FHIP2A: variants seen among roughly 807,000 people sequenced by gnomAD.
The protein encoded by FHIP2A is family with sequence similarity 160 member B1.
FHIP2A carries 46 observed loss-of-function variants against 93.5 expected under a neutral mutation model. The ratio of observed to expected loss-of-function variants is 0.49; its 90% confidence interval spans 0.39 to 0.63. FHIP2A has a LOEUF of 0.63. FHIP2A is among the 20% of genes least tolerant of loss of function. The pLI, the probability that FHIP2A is intolerant of heterozygous loss-of-function variation, is 0.00. For missense variants in FHIP2A, 769 were observed against 909.7 expected, an observed-to-expected ratio of 0.85 and a Z score of 1.99; for synonymous variants, 332 against 326.5, an observed-to-expected ratio of 1.02 and a Z score of -0.18.
At chr10:114,890,025 T>A (rs935061247) in intron 16 of FHIP2A, among the ~76,000 whole-genome samples, 6 of 150,526 alleles carry the variant, frequency 4.0e-5, no homozygotes, top group African/African-American at 1.2e-4. Context: ...ATTGTCTATA[T>A]ATTTTCTTTT....
At chr10:114,832,675 G>T (rs879613077) in intron 2 of FHIP2A, among the ~76,000 whole-genome samples, 1 of 151,644 alleles carries the variant, frequency 6.6e-6, no homozygotes, top group Non-Finnish European at 1.5e-5. Context: ...AATTACTGTG[G>T]ATAGATGAAT....
intron 5 of FHIP2A, among the ~76,000 whole-genome samples, chr10:114,841,684 A>G (rs1470449703): frequency 2.0e-5 from 3 of 152,258 alleles, no homozygotes; most frequent in South Asian, 2.1e-4. Context: ...TGTGAACTCA[A>G]TTTCTCAAGA....
At chr10:114,889,331 G>A (rs764980255) in intron 16 of FHIP2A, among the ~76,000 whole-genome samples, 2 of 152,114 alleles carry the variant, frequency 1.3e-5, no homozygotes, top group African/African-American at 4.8e-5. Context: ...AGTAAAATAC[G>A]CCTGGGTTAC....
chr10:114,826,764 C>T (rs370711074), intron 1 of FHIP2A, among the ~76,000 whole-genome samples: 4 of 152,200 alleles, frequency 2.6e-5, no homozygotes, highest in African/African-American at 4.8e-5. Context: ...GAGGCCGAGG[C>T]GGACGGATCA....
chr10:114,835,442 C>A, intron 3 of FHIP2A, 95 bp from the exon 4 acceptor site: 1 of 683,250 alleles, frequency 1.5e-6, no homozygotes, highest in Non-Finnish European at 2.6e-6. Context: ...GGAATACATT[C>A]ATATACATTG....
chr10:114,847,157 C>G lies in FHIP2A; in HGVS notation c.1636C>G (p.Leu546Val). ...AAACACTTTGCCAAACCAAGAGTGG[C>G]TTAGTTCTTCACCTCCTGCTACTCC... ...PENTLPNQEWLSSSPPATPDH... is the reference protein window; with the variant it reads ...PENTLPNQEWVSSSPPATPDH... The change falls in exon 12 of 17, where the codon CTT becomes GTT. Residue 546 changes from leucine to valine, a missense_variant. Leu to Val is a conservative substitution (Grantham distance 32). Transcript: ENST00000369248. 1 of 1,613,466 alleles carries G rather than the reference C, an allele frequency of 6.2e-7. No homozygotes were observed.
chr10:114,843,238 T>A lies in FHIP2A; in HGVS notation c.816+12T>A. 6.4e-7 allele frequency: 1 copy of A among 1,550,856 alleles called. No homozygotes were observed. The highest frequency in any genetic ancestry group is 8.8e-7 in the Non-Finnish European group (1 of 1,138,044). On this transcript the variant is annotated intron_variant, in intron 6 of 16. Transcript: ENST00000369248. ...TTACTAGAAGTCCTGTGAGTTATGG[T>A]CCTTACTTTTTCCCCCCTAACATTA... is the stretch of plus-strand genomic sequence containing the variant.
intron 14 of FHIP2A, 64 bp from the exon 15 acceptor site, chr10:114,860,685 A>C: frequency 7.7e-7 from 1 of 1,299,890 alleles, no homozygotes; most frequent in Non-Finnish European, 1.1e-6. Flanking sequence ...AAATTGAAAT[A>C]GTAAATTAAG....
chr10:114,836,099 A>G (rs375064220), intron 4 of FHIP2A, 25 bp from the exon 5 acceptor site: 2 of 1,527,024 alleles, frequency 1.3e-6, no homozygotes, highest in East Asian at 2.3e-5. Context: ...TAAGTTTAAA[A>G]AGTTAAAAAC....
chr10:114,863,591 G>T lies in FHIP2A; in HGVS notation c.*2051G>T, dbSNP rs1276413221. On this transcript the variant is annotated 3_prime_UTR_variant, in exon 17 of 17. Coordinates refer to ENST00000369248, the MANE Select transcript of FHIP2A (RefSeq NM_020940.4). ...TAATTTGTAATCAGCTAAGGCTTAA[G>T]ATTTCATTTGTTTCTAAGTTTCTGT... 1.2e-5 allele frequency: 15 copies of T among 1,261,102 alleles called. No homozygotes were observed. The highest frequency in any genetic ancestry group is 1.3e-5 in the Non-Finnish European group (13 of 977,972). 78.1% of individuals were successfully genotyped at this position (1,261,102 alleles called of 1,614,324 possible). A position where few individuals can be genotyped will look rare whatever the true frequency, so the allele number is the denominator to read the frequency against.
intron 3 of FHIP2A, among the ~76,000 whole-genome samples, chr10:114,834,473 C>T (rs1286172970): frequency 6.6e-6 from 1 of 152,104 alleles, no homozygotes; most frequent in Admixed American, 6.6e-5. Context: ...AAAGTATTTG[C>T]TAGCTTAAAA....
At chr10:114,830,137 A>G (rs1592013322) in intron 1 of FHIP2A, among the ~76,000 whole-genome samples, 1 of 152,312 alleles carries the variant, frequency 6.6e-6, no homozygotes, top group Middle Eastern at 3.4e-3. Context: ...GGAACTAATT[A>G]CATAGCAGCT....
At chr10:114,864,740 C>T (rs1447192744), downstream of FHIP2A, 7 of 964,750 alleles carry the variant, frequency 7.3e-6, no homozygotes, top group Non-Finnish European at 8.6e-6. Flanking sequence ...TTGTAAAATT[C>T]TAATTGGGAA....
rs901581069 is a variant in FHIP2A at position 114,860,785 on chromosome 10, T to C, written c.1984T>C (p.Ser662Pro). 1.9e-6 allele frequency: 3 copies of C among 1,608,106 alleles called. No individual in the cohort carries two copies. The highest frequency in any genetic ancestry group is 1.3e-5 in the African/African-American group (1 of 74,822). The change falls in exon 15 of 17, where the codon TCT becomes CCT. Residue 662 changes from serine (S) to proline (P), a missense_variant. Coordinates refer to ENST00000369248, the MANE Select transcript of FHIP2A (RefSeq NM_020940.4). ...AAACTTACAAGTAACCTCAGTGTTA[T>C]CTAGACTTTCTCTCTTCCCTCATCC... ...DVNLQVTSVL[S>P]RLSLFPHPHI...
rs1338487853 is a variant in FHIP2A, at chr10:114,861,527, C to T, written c.2285C>T (p.Ser762Phe). ...ATCGCATTTGTAAAATATCATGCTTCCTCCACACCATAAATAACATCTTTC... is the reference window on the plus strand; with the variant it reads ...ATCGCATTTGTAAAATATCATGCTTTCTCCACACCATAAATAACATCTTTC... ...AAIAFVKYHA[S>F]STP is the part of the protein sequence containing the mutation. The change falls in exon 17 of 17, where the codon TCC (serine) becomes TTC (phenylalanine). Residue 762 changes from serine to phenylalanine, a missense_variant. Ser to Phe is a radical substitution (Grantham distance 155). Coordinates refer to ENST00000369248, the MANE Select transcript of FHIP2A (RefSeq NM_020940.4). 4 of 1,613,460 alleles carry T rather than the reference C, an allele frequency of 2.5e-6. No homozygotes were observed. Among genetic ancestry groups the T allele is most frequent in the South Asian group, 2.2e-5 (2 of 91,046 alleles).
chr10:114,865,740 TTAACA>T (rs1055477402), downstream of FHIP2A, among the ~76,000 whole-genome samples: 1 of 151,874 alleles, frequency 6.6e-6, no homozygotes, highest in African/African-American at 2.4e-5. Flanking sequence ...ATTTAAAGAA[TTAACA>T]TAAAACTGTA....
intron 16 of FHIP2A, among the ~76,000 whole-genome samples, chr10:114,877,105 G>A (rs572380928): frequency 2.0e-5 from 3 of 152,240 alleles, no homozygotes; most frequent in Admixed American, 6.5e-5. Context: ...TCCGGGCAAG[G>A]ACAAACGTAC....
At chr10:114,895,303 T>A (rs74158089) in intron 16 of FHIP2A, among the ~76,000 whole-genome samples, 2,051 of 152,286 alleles carry the variant, frequency 0.013, 50 homozygotes, top group African/African-American at 0.048. Flanking sequence ...ATAATTGAGA[T>A]TCAGAGAGTA....
At chr10:114,870,370 G>T (rs781709665) in intron 16 of FHIP2A, among the ~76,000 whole-genome samples, 2 of 145,536 alleles carry the variant, frequency 1.4e-5, no homozygotes, top group African/African-American at 2.5e-5. Context: ...TCTTAACAAT[G>T]ATTTTAAATA....
Sources: gnomAD v4.1 joint callset for allele counts (sites outside exome capture counted in the v4.1 genomes callset) on GRCh38, gnomAD v4.1.1 for gene constraint, MANE v1.5 for transcripts, NCBI Gene and HGNC (gene_info 2026-07-23, HGNC 2026-07-21) for gene names.